Variants in CNTNAP5 observed in about 807,000 individuals in gnomAD.
CNTNAP5 encodes contactin-associated protein-like 5.
In CNTNAP5, 72 loss-of-function variants were observed where a neutral mutation model predicts 150.2. The ratio of observed to expected loss-of-function variants is 0.48; its 90% CI spans 0.40 to 0.58. CNTNAP5 has a LOEUF of 0.58. CNTNAP5 is among the 20% of genes least tolerant of loss of function. The pLI is 0.00. For synonymous variants in CNTNAP5, 672 were observed against 619.8 expected, an observed-to-expected ratio of 1.08 and a Z score of -1.25; for missense variants, 1,636 against 1,626.2, an observed-to-expected ratio of 1.01 and a Z score of -0.10.
In CNTNAP5 at chr2:124,812,432, T is replaced by A. The variant is rs72980485; in HGVS notation, c.3217+14112T>A. ...CCAAAGTTAACTTCAAGAACTGGTT[T>A]AGGCCATGACAGGAAAGGGGCGGTT... On this transcript the variant is annotated intron_variant, in intron 19 of 23. Transcript: ENST00000682447. Among the ~76,000 whole-genome samples the A allele has an allele frequency of 5.3e-3, 798 of 151,902 alleles. 11 individuals are homozygous for A. The highest frequency in any genetic ancestry group is 0.018 in the African/African-American group (752 of 41,392).
rs774172747 is a variant in CNTNAP5, at chr2:124,504,488, G to A, written c.1259G>A (p.Ser420Asn). 2.4e-5 allele frequency: 38 copies of A among 1,613,672 alleles called. No homozygotes were observed. The Admixed American group carries it at 5.5e-4, about 23-fold the overall frequency. ...LSEGSGTLLLSLEGGILRLVI... is the reference protein window; with the variant it reads ...LSEGSGTLLLNLEGGILRLVI... ...GAGGGCTCGGGAACCCTGCTGCTGA[G>A]CCTGGAGGGTGGAATCCTGAGACTC... Residue 420 changes from serine to asparagine, a missense_variant, in exon 8 of 24, where the codon AGC becomes AAC. Coordinates refer to ENST00000682447, the MANE Select transcript of CNTNAP5 (RefSeq NM_001367498.1).
chr2:124,906,272 A>G (rs1036130479), intron 22 of CNTNAP5, among the ~76,000 whole-genome samples: 2 of 152,112 alleles, frequency 1.3e-5, no homozygotes, highest in Non-Finnish European at 2.9e-5. Context: ...CTTTTTCTAA[A>G]TCCATGGGAT....
chr2:124,052,709 G>A (rs138567806), intron 1 of CNTNAP5, among the ~76,000 whole-genome samples: 88 of 152,270 alleles, frequency 5.8e-4, no homozygotes, highest in Middle Eastern at 3.4e-3. Context: ...ATACCTGTGC[G>A]CGTCTCTCCT....
chr2:124,242,369 G>A lies in CNTNAP5; in HGVS notation c.357G>A (p.Gln119=), dbSNP rs752229409. The A allele has an allele frequency of 5.0e-6, 8 of 1,613,070 alleles. No homozygotes were observed. The Admixed American group carries it at 1.2e-4, about 24-fold the overall frequency. Residue 119 remains glutamine (Q), a synonymous_variant, in exon 3 of 24, where the codon CAG becomes CAA. Transcript: ENST00000682447. ...MFSDTGRNWK[Q]YKQEDSIWTF... is the part of the protein sequence containing the mutation. The stretch of plus-strand genomic sequence containing the variant: ...GTGACACAGGACGCAACTGGAAACA[G>A]TACAAACAAGAAGACAGCATCTGGG...
At chr2:124,291,613 T>G (rs1378537750) in intron 3 of CNTNAP5, among the ~76,000 whole-genome samples, 1 of 152,116 alleles carries the variant, frequency 6.6e-6, no homozygotes, top group Non-Finnish European at 1.5e-5. Flanking sequence ...CCTACAATTA[T>G]TTCCTAAGGA....
chr2:124,719,979 GA>G (rs1355889400), intron 13 of CNTNAP5, among the ~76,000 whole-genome samples: 3 of 152,010 alleles, frequency 2.0e-5, no homozygotes, highest in Non-Finnish European at 4.4e-5. Context: ...CATGGAGAAA[GA>G]AAAAAGTGTG....
intron 7 of CNTNAP5, among the ~76,000 whole-genome samples, chr2:124,502,559 CA>C (rs1694301806): frequency 6.6e-6 from 1 of 152,092 alleles, no homozygotes; most frequent in Non-Finnish European, 1.5e-5. Flanking sequence ...TTTGTTTTTA[CA>C]AAAATGATAC....
chr2:124,250,457 C>G (rs928421043), intron 3 of CNTNAP5, among the ~76,000 whole-genome samples: 5 of 152,062 alleles, frequency 3.3e-5, no homozygotes, highest in Non-Finnish European at 7.4e-5. Flanking sequence ...CCAGAGGACA[C>G]TGGCTCTCAG....
At chr2:124,207,824 T>C (rs1356894460) in intron 1 of CNTNAP5, among the ~76,000 whole-genome samples, 1 of 152,228 alleles carries the variant, frequency 6.6e-6, no homozygotes, top group Non-Finnish European at 1.5e-5. Flanking sequence ...AAAATGGAAA[T>C]TGAACTCATC....
intron 19 of CNTNAP5, among the ~76,000 whole-genome samples, chr2:124,839,483 A>G (rs1682899389): frequency 6.6e-6 from 1 of 151,728 alleles, no homozygotes; most frequent in East Asian, 2.0e-4. Context: ...CTATGGCCTC[A>G]GAGCTAGATT....
chr2:124,100,851 T>A lies in CNTNAP5; in HGVS notation c.82+75119T>A, dbSNP rs1320551530. ...CTGTACTACAGCCTGGGCAAAAAAG[T>A]GAGACTCTGTCTCAAAAAAAAAAAA... On this transcript the variant is annotated intron_variant, in intron 1 of 23. Transcript: ENST00000682447. 3.5e-5 allele frequency among the ~76,000 whole-genome samples: 4 copies of A among 115,532 alleles called. No homozygotes were observed. The East Asian group carries it at 9.2e-4, about 27-fold the overall frequency. 75.8% of individuals were successfully genotyped at this position (115,532 alleles called of 152,430 possible).
At chr2:124,858,773 C>A (rs1245232768) in intron 19 of CNTNAP5, among the ~76,000 whole-genome samples, 2 of 152,078 alleles carry the variant, frequency 1.3e-5, no homozygotes, top group African/African-American at 4.8e-5. Context: ...TCTAACAATG[C>A]ATTTTAAAGA....
intron 11 of CNTNAP5, among the ~76,000 whole-genome samples, chr2:124,572,794 G>T (rs1696196211): frequency 6.6e-6 from 1 of 152,130 alleles, no homozygotes. Flanking sequence ...ACATCTCTTG[G>T]CCACAAAGAC....
In CNTNAP5 at chr2:124,529,951, C is replaced by T. The variant is rs7586649; in HGVS notation, c.1649+2495C>T. ...GCTTTTGTTTTTTGCTGGCCCCAAC[C>T]GGGCATCTTACATACTTAAACGGTA... On this transcript the variant is annotated intron_variant, in intron 10 of 23. Transcript: ENST00000682447. Among the ~76,000 whole-genome samples, 655 of 152,240 alleles carry T rather than the reference C, an allele frequency of 4.3e-3. 7 individuals are homozygous for T. The highest frequency in any genetic ancestry group is 0.015 in the African/African-American group (632 of 41,534).
At chr2:124,615,217 A>G (rs544121690) in intron 12 of CNTNAP5, among the ~76,000 whole-genome samples, 3 of 152,212 alleles carry the variant, frequency 2.0e-5, no homozygotes, top group East Asian at 1.9e-4. Flanking sequence ...ATAATTGACT[A>G]TTTCTTTTAT....
chr2:124,880,775 G>A (rs185013282), intron 21 of CNTNAP5, among the ~76,000 whole-genome samples: 2 of 152,200 alleles, frequency 1.3e-5, no homozygotes, highest in African/African-American at 4.8e-5. Flanking sequence ...TATTTAATTA[G>A]GATATAAATA....
chr2:124,041,926 A>T (rs952380859), intron 1 of CNTNAP5, among the ~76,000 whole-genome samples: 3 of 152,094 alleles, frequency 2.0e-5, no homozygotes, highest in African/African-American at 7.2e-5. Flanking sequence ...CAGTGGGGCC[A>T]TCTCACCTCA....
rs567689053 is a variant in CNTNAP5, at chr2:124,800,251, G to A, written c.3217+1931G>A. On this transcript the variant is annotated intron_variant, in intron 19 of 23. Coordinates refer to ENST00000682447, the MANE Select transcript of CNTNAP5 (RefSeq NM_001367498.1). ...CAACCAATGCGAGATTTTTTCCAAA[G>A]CATCTTTTGGGTATAGTTCCATAGG... Among the ~76,000 whole-genome samples, 8 of 152,286 alleles carry A rather than the reference G, an allele frequency of 5.3e-5. No individual in the cohort carries two copies. The South Asian group carries it at 1.5e-3, about 28-fold the overall frequency.
At chr2:124,853,487 G>C (rs531454638) in intron 19 of CNTNAP5, among the ~76,000 whole-genome samples, 1 of 152,052 alleles carries the variant, frequency 6.6e-6, no homozygotes, top group Non-Finnish European at 1.5e-5. Flanking sequence ...GTTCTCATCC[G>C]CTCCACTGTC....
Sources: allele counts gnomAD v4.1 joint callset (sites outside exome capture counted in the v4.1 genomes callset), GRCh38; gene constraint gnomAD v4.1.1; transcripts MANE v1.5; gene names NCBI Gene and HGNC (gene_info 2026-07-23, HGNC 2026-07-21).